The following LIPF variants were observed in gnomAD, a reference collection of about 807,000 sequenced individuals.
The protein encoded by LIPF is lipase F, gastric type.
LIPF carries 25 observed loss-of-function variants against 38.0 expected under a neutral mutation model. That is an observed-to-expected ratio of 0.66 (90% CI 0.48 to 0.92). LIPF has a LOEUF of 0.92. LIPF is among the 40% of genes least tolerant of loss of function. The probability of loss-of-function intolerance (pLI) is 0.00; values close to 1 mark genes in which losing one functional copy is unlikely to be tolerated. For missense variants in LIPF, 410 were observed against 469.9 expected (o/e 0.87, Z 1.18); for synonymous variants, 161 against 156.2 (o/e 1.03, Z -0.23).
At chr10:88,672,018 T>C in intron 6 of LIPF, 53 bp downstream of exon 6, 1 of 1,492,488 alleles carries the variant, frequency 6.7e-7, no homozygotes, top group Non-Finnish European at 9.1e-7. Context: ...TGCCCATGGA[T>C]TTTAAAGTTA....
At chr10:88,668,850 C>T in intron 4 of LIPF, 94 bp downstream of exon 4, 2 of 987,218 alleles carry the variant, frequency 2.0e-6, no homozygotes, top group Non-Finnish European at 1.5e-6. Context: ...AAATTACACT[C>T]CAAGTAGGAG....
At chr10:88,677,030 C>T (rs1266403548) in intron 9 of LIPF, among the ~76,000 whole-genome samples, 2 of 152,158 alleles carry the variant, frequency 1.3e-5, no homozygotes, top group African/African-American at 4.8e-5. Context: ...GTAACCTTCT[C>T]TTCTTCCTTT....
intron 6 of LIPF, among the ~76,000 whole-genome samples, chr10:88,672,927 C>T (rs940855425): frequency 6.6e-6 from 1 of 152,118 alleles, no homozygotes; most frequent in African/African-American, 2.4e-5. Context: ...CCTACTCATA[C>T]TCAGATTTTC....
intron 1 of LIPF, among the ~76,000 whole-genome samples, 180 bp downstream of exon 1, chr10:88,664,671 G>A (rs998716696): frequency 6.6e-6 from 1 of 151,874 alleles, no homozygotes; most frequent in Non-Finnish European, 1.5e-5. Flanking sequence ...TTTTTGTATG[G>A]ACATGAGACT....
At chr10:88,671,792 C>T (rs1185515953) in intron 5 of LIPF, 37 bp from the exon 6 acceptor site, 10 of 1,598,882 alleles carry the variant, frequency 6.3e-6, no homozygotes, top group Non-Finnish European at 8.5e-6. Flanking sequence ...ACAACACACA[C>T]ACACACCTTT....
intron 8 of LIPF, 121 bp downstream of exon 8, chr10:88,675,778 A>T: frequency 1.7e-6 from 1 of 576,816 alleles, no homozygotes; most frequent in Non-Finnish European, 3.1e-6. Flanking sequence ...TCTGGCACTG[A>T]CTACCATACA....
chr10:88,671,298 A>G (rs1234147126), intron 5 of LIPF, among the ~76,000 whole-genome samples: 10 of 152,178 alleles, frequency 6.6e-5, no homozygotes, highest in Admixed American at 6.6e-4. Context: ...ACTCACCACT[A>G]TCCTTGTATT....
chr10:88,676,710 C>T lies in LIPF; in HGVS notation c.960+430C>T, dbSNP rs1590115267. Among the ~76,000 whole-genome samples, 3 of 152,292 alleles carry T rather than the reference C, an allele frequency of 2.0e-5. No individual in the cohort carries two copies. The South Asian group carries it at 6.2e-4, about 32-fold the overall frequency. ...AGGAGTGATTTCAATGGGATATATT[C>T]CCAAATAGAAGAAAAAGATGCCGTG... On this transcript the variant is annotated intron_variant, in intron 9 of 9. Transcript: ENST00000238983.
In LIPF at chr10:88,675,626, C is replaced by T. The variant is rs1445644389; in HGVS notation, c.857C>T (p.Thr286Ile). The change falls in exon 8 of 10, where the codon ACT (threonine) becomes ATT (isoleucine). Residue 286 changes from threonine (T) to isoleucine (I), a missense_variant. By Grantham distance (89) the Thr-to-Ile change is moderately conservative (BLOSUM62 -1). Transcript: ENST00000238983. ...DVYLSHNPAG[T>I]SVQNMFHWTQ... is the part of the protein sequence containing the mutation. ...TATCTATCACATAATCCAGCAGGAA[C>T]TTCTGTTCAAAACATGTTCCATTGG... 1 of 1,581,546 alleles carries T rather than the reference C, an allele frequency of 6.3e-7. No individual in the cohort carries two copies. Among genetic ancestry groups the T allele is most frequent in the South Asian group, 1.1e-5 (1 of 90,506 alleles).
rs1456318880 is a variant in LIPF at position 88,678,779 on chromosome 10, TA to T, written c.*100del. The stretch of plus-strand genomic sequence containing the variant: ...GTTTGACATGCAGTGCTTCTTTCTG[TA>T]ATTTTGACTTTAGAAATATATTGGC... On this transcript the variant is annotated 3_prime_UTR_variant, in exon 10 of 10. Coordinates refer to ENST00000238983, the MANE Select transcript of LIPF (RefSeq NM_004190.4). 1 of 749,016 alleles carries T rather than the reference TA, an allele frequency of 1.3e-6. No individual in the cohort carries two copies. The highest frequency in any genetic ancestry group is 2.2e-6 in the Non-Finnish European group (1 of 463,294). The allele number at this position is 749,016 out of a possible 1,614,324, so 46.4% of individuals were successfully genotyped here.
chr10:88,678,474 C>T lies in LIPF; in HGVS notation c.990C>T (p.Ala330=). 1 of 1,613,910 alleles carries T rather than the reference C, an allele frequency of 6.2e-7. No individual in the cohort carries two copies. Among genetic ancestry groups the T allele is most frequent in the Non-Finnish European group, 8.5e-7 (1 of 1,179,846 alleles). The change falls in exon 10 of 10, where the codon GCC becomes GCT. Residue 330 remains alanine (A), a synonymous_variant. Transcript: ENST00000238983. ...AACCTCCCTACTACAATGTGACAGC[C>T]ATGAATGTACCAATTGCAGTGTGGA... ...QSQPPYYNVT[A]MNVPIAVWNG...
At chr10:88,675,692 G>GA (rs760995644) in intron 8 of LIPF, 35 bp downstream of exon 8, 3 of 1,427,510 alleles carry the variant, frequency 2.1e-6, no homozygotes, top group Non-Finnish European at 2.0e-6. Flanking sequence ...AATGTATTTT[G>GA]TGAGTCTCAA....
At chr10:88,669,722 T>A (rs1841565731) in intron 4 of LIPF, 115 bp from the exon 5 acceptor site, 1 of 701,996 alleles carries the variant, frequency 1.4e-6, no homozygotes, top group Non-Finnish European at 2.4e-6. Flanking sequence ...TAAGCATCAA[T>A]GTTTAGAGAA....
At chr10:88,676,410 CCCACA>C in intron 9 of LIPF, 130 bp downstream of exon 9, 1 of 635,062 alleles carries the variant, frequency 1.6e-6, no homozygotes, top group Non-Finnish European at 2.8e-6. Context: ...CTCTCATTCT[CCCACA>C]TGACTATGCA....
intron 4 of LIPF, 72 bp from the exon 5 acceptor site, chr10:88,669,765 C>A: frequency 9.6e-7 from 1 of 1,041,916 alleles, no homozygotes; most frequent in Non-Finnish European, 1.5e-6. Flanking sequence ...GGATCATTAG[C>A]TATAAATGCT....
At chr10:88,671,366 T>G (rs540757040) in intron 5 of LIPF, among the ~76,000 whole-genome samples, 2 of 152,330 alleles carry the variant, frequency 1.3e-5, no homozygotes, top group Admixed American at 6.5e-5. Context: ...GTCACAAAGC[T>G]AATAAACCAC....
At chr10:88,664,710 T>C (rs1841486404) in intron 1 of LIPF, among the ~76,000 whole-genome samples, 2 of 152,206 alleles carry the variant, frequency 1.3e-5, no homozygotes, top group African/African-American at 4.8e-5. Context: ...AATTTGTTTA[T>C]TATTGCAATT....
Position 88,675,499 on chromosome 10 carries a change from A to T in LIPF, c.817-87A>T, listed in dbSNP as rs759041906. 51 of 991,926 alleles carry T rather than the reference A, an allele frequency of 5.1e-5. No individual in the cohort carries two copies. The South Asian group carries it at 6.2e-4, about 12-fold the overall frequency. The allele number at this position is 991,926 out of a possible 1,614,324, so 61.4% of individuals were successfully genotyped here. A position where few individuals can be genotyped will look rare whatever the true frequency, so the allele number is the denominator to read the frequency against. On this transcript the variant is annotated intron_variant, in intron 7 of 9. Transcript: ENST00000238983. ...ATGCTACCTTTAAACACTTGACCTG[A>T]ATCAGAAAACATAAATCTTTACTGT...
intron 6 of LIPF, among the ~76,000 whole-genome samples, chr10:88,672,185 C>T (rs750221279): frequency 1.3e-5 from 2 of 152,166 alleles, no homozygotes; most frequent in Non-Finnish European, 2.9e-5. Context: ...TCATGTGAGT[C>T]AGCAATGCCT....
Sources: allele counts gnomAD v4.1 joint callset (sites outside exome capture counted in the v4.1 genomes callset), GRCh38; gene constraint gnomAD v4.1.1; transcripts MANE v1.5; gene names NCBI Gene and HGNC (gene_info 2026-07-23, HGNC 2026-07-21).